LRMDA: variants seen among roughly 807,000 people sequenced by gnomAD.
LRMDA encodes the protein leucine-rich melanocyte differentiation-associated protein.
In LRMDA, 18 loss-of-function variants were observed where a neutral mutation model predicts 29.8. The ratio of observed to expected loss-of-function variants is 0.60; its 90% CI spans 0.42 to 0.90. LRMDA has a LOEUF of 0.90. Among genes scored for constraint, LRMDA ranks in the 40% least tolerant of loss-of-function variants. The probability of loss-of-function intolerance (pLI) is 0.00; values close to 1 mark genes in which losing one functional copy is unlikely to be tolerated. For missense variants in LRMDA, 273 were observed against 273.9 expected (o/e 1.00, Z 0.02); for synonymous variants, 125 against 109.4 (o/e 1.14, Z -0.89).
At chr10:76,418,406 T>C (rs955735710) in intron 6 of LRMDA, among the ~76,000 whole-genome samples, 2 of 152,018 alleles carry the variant, frequency 1.3e-5, no homozygotes, top group East Asian at 3.9e-4. Context: ...TATATGTATA[T>C]GATTTTTCAA....
intron 3 of LRMDA, among the ~76,000 whole-genome samples, chr10:76,043,931 C>T (rs1460143110): frequency 5.3e-5 from 8 of 152,198 alleles, no homozygotes; most frequent in South Asian, 4.1e-4. Flanking sequence ...GGTTTTGGTC[C>T]GGGCTTTCCA....
intron 2 of LRMDA, among the ~76,000 whole-genome samples, chr10:75,836,603 A>G (rs1359885808): frequency 6.6e-6 from 1 of 152,132 alleles, no homozygotes; most frequent in African/African-American, 2.4e-5. Context: ...TAAAAGAGGA[A>G]TCTTCTATTC....
rs1842804132 is a variant in LRMDA at position 76,488,483 on chromosome 10, G to T, written c.602-68726G>T. 2.7e-5 allele frequency among the ~76,000 whole-genome samples: 4 copies of T among 148,512 alleles called. No homozygotes were observed. The South Asian group carries it at 8.5e-4, about 31-fold the overall frequency. On this transcript the variant is annotated intron_variant, in intron 6 of 6. Transcript: ENST00000611255. ...ATTATTTTGAGATTCAACCATGTGTGTATCAATAGTTCATTTAAAAATATT... is the reference window on the plus strand; with the variant it reads ...ATTATTTTGAGATTCAACCATGTGTTTATCAATAGTTCATTTAAAAATATT...
At chr10:75,712,448 G>C (rs1402213485) in intron 2 of LRMDA, among the ~76,000 whole-genome samples, 12 of 152,020 alleles carry the variant, frequency 7.9e-5, no homozygotes, top group South Asian at 4.2e-4. Flanking sequence ...GGGGCGGTTG[G>C]GGGGGTGGTG....
At chr10:75,855,939 C>A (rs932393188) in intron 2 of LRMDA, among the ~76,000 whole-genome samples, 11 of 152,138 alleles carry the variant, frequency 7.2e-5, no homozygotes, top group African/African-American at 2.7e-4. Context: ...TGTTTTGGTG[C>A]CAGTACCATG....
At chr10:75,834,944 T>C (rs943527502) in intron 2 of LRMDA, among the ~76,000 whole-genome samples, 3 of 152,244 alleles carry the variant, frequency 2.0e-5, no homozygotes, top group Non-Finnish European at 4.4e-5. Context: ...AAGCTTCTTC[T>C]ATCATGCTCC....
intron 6 of LRMDA, among the ~76,000 whole-genome samples, chr10:76,365,311 A>G (rs1841379851): frequency 1.3e-5 from 2 of 151,726 alleles, no homozygotes; most frequent in Admixed American, 1.3e-4. Flanking sequence ...TTAGTTCTTT[A>G]AGGAATCTCC....
At chr10:76,198,543 T>C (rs546613023) in intron 5 of LRMDA, among the ~76,000 whole-genome samples, 135 of 152,334 alleles carry the variant, frequency 8.9e-4, no homozygotes, top group South Asian at 2.1e-3. Flanking sequence ...AGAAGACTAA[T>C]GGCCTGCTTA....
chr10:75,754,248 T>TGGGCA (rs1843000544), intron 2 of LRMDA, among the ~76,000 whole-genome samples: 1 of 152,198 alleles, frequency 6.6e-6, no homozygotes, highest in African/African-American at 2.4e-5. Context: ...AGGGGTCTTG[T>TGGGCA]GGGCAGGGCA....
In LRMDA at chr10:76,350,789, T is replaced by A. The variant is rs547907334; in HGVS notation, c.601+26304T>A. ...CGGTGTGGAAGCTATTGCTACATAATTTTTTATTTCTTGAATATCACTTTG... is the reference window on the plus strand; with the variant it reads ...CGGTGTGGAAGCTATTGCTACATAAATTTTTATTTCTTGAATATCACTTTG... On this transcript the variant is annotated intron_variant, in intron 6 of 6. Transcript: ENST00000611255. Among the ~76,000 whole-genome samples, 3 of 152,280 alleles carry A rather than the reference T, an allele frequency of 2.0e-5. No individual in the cohort carries two copies. The South Asian group carries it at 6.2e-4, about 32-fold the overall frequency.
chr10:76,082,917 G>A (rs563202395), intron 5 of LRMDA, among the ~76,000 whole-genome samples: 2 of 152,242 alleles, frequency 1.3e-5, no homozygotes, highest in South Asian at 4.1e-4. Context: ...GTGGTAGAAA[G>A]TTGAAGCCAG....
At chr10:75,717,502 A>G (rs1349940240) in intron 2 of LRMDA, among the ~76,000 whole-genome samples, 4 of 152,182 alleles carry the variant, frequency 2.6e-5, no homozygotes, top group African/African-American at 9.7e-5. Flanking sequence ...TGGCACAGCG[A>G]GGAGCTTTGG....
At chr10:76,449,733 G>C (rs183755728) in intron 6 of LRMDA, among the ~76,000 whole-genome samples, 2 of 151,916 alleles carry the variant, frequency 1.3e-5, no homozygotes, top group East Asian at 3.9e-4. Flanking sequence ...TAATCCTTTT[G>C]TTTATAAACT....
intron 5 of LRMDA, among the ~76,000 whole-genome samples, chr10:76,207,676 A>G (rs1382182719): frequency 6.6e-6 from 1 of 152,064 alleles, no homozygotes; most frequent in African/African-American, 2.4e-5. Context: ...AAATATGCTC[A>G]CTGGTGGTCG....
intron 2 of LRMDA, among the ~76,000 whole-genome samples, chr10:75,614,345 C>T (rs772648587): frequency 2.0e-5 from 3 of 152,198 alleles, no homozygotes; most frequent in Non-Finnish European, 2.9e-5. Flanking sequence ...CAGAGACTGA[C>T]GGGAAGGGAT....
At chr10:75,457,466 C>T (rs1844533397) in intron 2 of LRMDA, among the ~76,000 whole-genome samples, 1 of 152,180 alleles carries the variant, frequency 6.6e-6, no homozygotes, top group African/African-American at 2.4e-5. Context: ...TGGGTTCTCC[C>T]ATCAAACCTT....
At chr10:76,013,295 A>ATTTTTT (rs59047696) in intron 2 of LRMDA, among the ~76,000 whole-genome samples, 2 of 138,072 alleles carry the variant, frequency 1.4e-5, no homozygotes, top group Non-Finnish European at 1.6e-5. Flanking sequence ...AGATGATTTA[A>ATTTTTT]TTTTTTTTTT....
intron 2 of LRMDA, among the ~76,000 whole-genome samples, chr10:75,639,996 T>A (rs1409613314): frequency 6.6e-6 from 1 of 152,174 alleles, no homozygotes; most frequent in Non-Finnish European, 1.5e-5. Flanking sequence ...TAACCCTCCA[T>A]AACTTGTGCT....
At chr10:75,592,553 G>T (rs1840736516) in intron 2 of LRMDA, among the ~76,000 whole-genome samples, 1 of 152,204 alleles carries the variant, frequency 6.6e-6, no homozygotes, top group Admixed American at 6.5e-5. Flanking sequence ...CACCTCCTTT[G>T]ATATTAATTC....
Sources: gnomAD v4.1 joint callset for allele counts (sites outside exome capture counted in the v4.1 genomes callset) on GRCh38, gnomAD v4.1.1 for gene constraint, MANE v1.5 for transcripts, NCBI Gene and HGNC (gene_info 2026-07-23, HGNC 2026-07-21) for gene names.